SGIP1: variants seen among roughly 807,000 people sequenced by gnomAD.
SGIP1 encodes the protein SH3GL interacting endocytic adaptor 1, also known as SH3-containing GRB2-like protein 3-interacting protein 1.
A neutral mutation model predicts 107.5 loss-of-function variants in SGIP1; 38 were observed. That is an observed-to-expected ratio of 0.35 (90% CI 0.27 to 0.46). The LOEUF (loss-of-function observed/expected upper bound fraction) is 0.46, where lower values mean the gene tolerates loss of function less well. SGIP1 is among the 20% of genes least tolerant of loss of function. The probability of loss-of-function intolerance (pLI) is 1.00; values close to 1 mark genes in which losing one functional copy is unlikely to be tolerated. For missense variants in SGIP1, 929 were observed against 1,019.5 expected, an observed-to-expected ratio of 0.91 and a Z score of 1.21; for synonymous variants, 365 against 366.1, an observed-to-expected ratio of 1.00 and a Z score of 0.03.
chr1:66,600,276 G>A (rs1469726914), intron 1 of SGIP1, among the ~76,000 whole-genome samples: 1 of 152,176 alleles, frequency 6.6e-6, no homozygotes, highest in East Asian at 1.9e-4. Context: ...CTTATCCAAG[G>A]TCGAATCTTT....
At chr1:66,568,210 G>A (rs1039367433) in intron 1 of SGIP1, among the ~76,000 whole-genome samples, 1 of 152,012 alleles carries the variant, frequency 6.6e-6, no homozygotes, top group Non-Finnish European at 1.5e-5. Flanking sequence ...TCCCTGAAGA[G>A]GTCCTTCATG....
chr1:66,684,882 G>A (rs2087804251), intron 15 of SGIP1, among the ~76,000 whole-genome samples: 1 of 152,146 alleles, frequency 6.6e-6, no homozygotes, highest in African/African-American at 2.4e-5. Flanking sequence ...AAAGACTCTT[G>A]ATTCTTCATA....
At position 66,633,214 on chromosome 1, in the gene SGIP1, C is replaced by T. The variant is rs1455678106; in HGVS notation, c.99+120C>T. 4 of 698,608 alleles carry T rather than the reference C, an allele frequency of 5.7e-6. No individual in the cohort carries two copies. In the Admixed American group the frequency reaches 7.1e-5, roughly 12 times the overall value. The allele number at this position is 698,608 out of a possible 1,614,324, so 43.3% of individuals were successfully genotyped here. A position where few individuals can be genotyped will look rare whatever the true frequency, so the allele number is the denominator to read the frequency against. On this transcript the variant is annotated intron_variant, in intron 3 of 24. Transcript: ENST00000371037. ...AAATAGCTTGAATGACTTTTTGGAC[C>T]TCTCACTATTGGAATTTTCTATATT... is the stretch of plus-strand genomic sequence containing the variant.
At chr1:66,581,026 C>T (rs1291797290) in intron 1 of SGIP1, among the ~76,000 whole-genome samples, 1 of 152,054 alleles carries the variant, frequency 6.6e-6, no homozygotes, top group East Asian at 1.9e-4. Context: ...AAAGCTTAAG[C>T]AAATGTATGG....
In SGIP1 at chr1:66,638,804, T is replaced by C. The variant is rs575812665; in HGVS notation, c.172-973T>C. 3.9e-5 allele frequency among the ~76,000 whole-genome samples: 6 copies of C among 152,314 alleles called. No homozygotes were observed. In the South Asian group the frequency reaches 1.0e-3, roughly 26 times the overall value. ...TACATTGCAGTTCAAGTGGCCTTTA[T>C]TTGTTGTTGCAAAATTAGAGGTCCT... is the stretch of plus-strand genomic sequence containing the variant. On this transcript the variant is annotated intron_variant, in intron 4 of 24. Transcript: ENST00000371037.
intron 18 of SGIP1, among the ~76,000 whole-genome samples, chr1:66,702,066 T>G (rs139198712): frequency 6.6e-6 from 1 of 152,360 alleles, no homozygotes; most frequent in African/African-American, 2.4e-5. Flanking sequence ...GTATCGCTGA[T>G]GAGCCCTTAA....
At chr1:66,633,997 T>C in intron 3 of SGIP1, 2 of 1,284,208 alleles carry the variant, frequency 1.6e-6, no homozygotes, top group Non-Finnish European at 2.2e-6. Context: ...TTTGCCTTCA[T>C]GTGGTTCTTA....
chr1:66,572,777 C>T (rs2060549673), intron 1 of SGIP1, among the ~76,000 whole-genome samples: 1 of 151,922 alleles, frequency 6.6e-6, no homozygotes, highest in East Asian at 1.9e-4. Flanking sequence ...TTTAAAGAGC[C>T]TACAACAGAG....
chr1:66,625,102 A>G (rs2072303498), intron 1 of SGIP1, among the ~76,000 whole-genome samples: 1 of 152,222 alleles, frequency 6.6e-6, no homozygotes. Flanking sequence ...ATACCATTTG[A>G]TATATCATAA....
At chr1:66,722,791 G>C (rs1296496816) in intron 19 of SGIP1, among the ~76,000 whole-genome samples, 1 of 152,140 alleles carries the variant, frequency 6.6e-6, no homozygotes, top group South Asian at 2.1e-4. Flanking sequence ...TCCTGGTTCA[G>C]TTTCCCAATA....
chr1:66,696,232 G>A (rs1213385233), intron 18 of SGIP1, among the ~76,000 whole-genome samples: 1 of 152,158 alleles, frequency 6.6e-6, no homozygotes, highest in East Asian at 1.9e-4. Flanking sequence ...CATCTTAACA[G>A]GCCAGTCATT....
chr1:66,695,070 A>C, intron 17 of SGIP1: 1 of 394,432 alleles, frequency 2.5e-6, no homozygotes, highest in South Asian at 9.9e-5. Context: ...TTGAAGATGA[A>C]ATGGATACAG....
chr1:66,737,039 T>G (rs2094289109), intron 21 of SGIP1, among the ~76,000 whole-genome samples: 1 of 152,204 alleles, frequency 6.6e-6, no homozygotes, highest in Non-Finnish European at 1.5e-5. Flanking sequence ...CACATTTTAT[T>G]TAACTTCTTC....
chr1:66,549,006 T>A (rs2056938133), intron 1 of SGIP1, among the ~76,000 whole-genome samples: 1 of 152,172 alleles, frequency 6.6e-6, no homozygotes, highest in Non-Finnish European at 1.5e-5. Flanking sequence ...CTTTTATAAT[T>A]TCTTATGTAA....
Position 66,659,014 on chromosome 1 carries a change from A to C in SGIP1, c.460-1499A>C, listed in dbSNP as rs371061292. On this transcript the variant is annotated intron_variant, in intron 7 of 24. Coordinates refer to ENST00000371037, the MANE Select transcript of SGIP1 (RefSeq NM_032291.4). ...CAAGAGAGCCAGGAGAGTGCAGCGAAGTGCAGGCTTCATAGAAAGCCAACG... is the reference window on the plus strand; with the variant it reads ...CAAGAGAGCCAGGAGAGTGCAGCGACGTGCAGGCTTCATAGAAAGCCAACG... Among the ~76,000 whole-genome samples, 6 of 152,280 alleles carry C rather than the reference A, an allele frequency of 3.9e-5. 1 individual carries two copies. The East Asian group carries it at 9.6e-4, about 24-fold the overall frequency.
intron 1 of SGIP1, among the ~76,000 whole-genome samples, chr1:66,594,018 C>A (rs774657958): frequency 2.6e-4 from 39 of 152,120 alleles, no homozygotes; most frequent in Non-Finnish European, 5.1e-4. Context: ...GACTATTATT[C>A]ATGGTTAACC....
chr1:66,580,513 T>A (rs1265330723), intron 1 of SGIP1, among the ~76,000 whole-genome samples: 1 of 152,184 alleles, frequency 6.6e-6, no homozygotes, highest in Non-Finnish European at 1.5e-5. Flanking sequence ...TTCGTAATAC[T>A]TCTCTCCATC....
intron 20 of SGIP1, among the ~76,000 whole-genome samples, chr1:66,733,398 C>T (rs2094104960): frequency 6.6e-6 from 1 of 152,234 alleles, no homozygotes. Flanking sequence ...CCTTAACTGA[C>T]TAATTTAGAC....
intron 7 of SGIP1, among the ~76,000 whole-genome samples, chr1:66,649,729 C>A (rs1557445190): frequency 7.9e-6 from 1 of 126,550 alleles, no homozygotes; most frequent in East Asian, 2.8e-4. Flanking sequence ...TGACTTCACA[C>A]ACACACATGC....
Sources: gnomAD v4.1 joint callset for allele counts (sites outside exome capture counted in the v4.1 genomes callset) on GRCh38, gnomAD v4.1.1 for gene constraint, MANE v1.5 for transcripts, NCBI Gene and HGNC (gene_info 2026-07-23, HGNC 2026-07-21) for gene names.